Variants in CCL26 observed in about 807,000 individuals in gnomAD.
CCL26 encodes C-C motif chemokine ligand 26, also known as C-C motif chemokine 26.
CCL26 carries 10 observed loss-of-function variants against 10.7 expected under a neutral mutation model. The ratio of observed to expected loss-of-function variants is 0.93; its 90% CI spans 0.57 to 1.58. The LOEUF (loss-of-function observed/expected upper bound fraction) is 1.58, where lower values mean the gene tolerates loss of function less well. CCL26 is among the 40% of genes most tolerant of loss of function. The pLI is 0.00. For synonymous variants in CCL26, 43 were observed against 41.4 expected (o/e 1.04, Z -0.15); for missense variants, 116 against 111.0 (o/e 1.05, Z -0.20).
chr7:75,771,155 C>T (rs566656591), intron 2 of CCL26, among the ~76,000 whole-genome samples: 1 of 152,140 alleles, frequency 6.6e-6, no homozygotes, highest in East Asian at 1.9e-4. Context: ...TGCGATCATA[C>T]CTCACTGCAG....
chr7:75,780,193 G>T (rs1420997527), intron 1 of CCL26, among the ~76,000 whole-genome samples: 8 of 150,434 alleles, frequency 5.3e-5, no homozygotes, highest in Non-Finnish European at 1.2e-4. Context: ...CTTTCCTGGG[G>T]GGCAAGCACC....
In CCL26 at chr7:75,777,721, G is replaced by GAAAAAAAAAAA. The variant is rs60039632; in HGVS notation, c.-78-5478_-78-5468dup. ...CCCAACAGAGTGAGATCCTGTCTCAGAAAAAAAAAAAAAAAAAAAAAGCAG... is the reference window on the plus strand; with the variant it reads ...CCCAACAGAGTGAGATCCTGTCTCAGAAAAAAAAAAAAAAAAAAAAAAAAAAAAAAAAGCAG... On this transcript the variant is annotated intron_variant, in intron 1 of 3. Coordinates refer to the CCL26 transcript ENST00000394905. 4.1e-3 allele frequency among the ~76,000 whole-genome samples: 248 copies of GAAAAAAAAAAA among 60,532 alleles called. 68 individuals are homozygous for GAAAAAAAAAAA. Among genetic ancestry groups the GAAAAAAAAAAA allele is most frequent in the Middle Eastern group, 0.02 (1 of 50 alleles). 39.7% of individuals were successfully genotyped at this position (60,532 alleles called of 152,430 possible). A position where few individuals can be genotyped will look rare whatever the true frequency, so the allele number is the denominator to read the frequency against.
upstream of CCL26, among the ~76,000 whole-genome samples, chr7:75,774,291 A>G (rs1374746310): frequency 3.9e-5 from 6 of 152,214 alleles, no homozygotes; most frequent in African/African-American, 1.4e-4. Context: ...CTGGGATTAC[A>G]GGCATGCGCC....
chr7:75,779,081 C>CTTTT (rs1554529079), intron 1 of CCL26, among the ~76,000 whole-genome samples: 1 of 152,162 alleles, frequency 6.6e-6, no homozygotes, highest in Non-Finnish European at 1.5e-5. Context: ...TATCCTGGCT[C>CTTTT]AAAAGCTCCC....
chr7:75,785,674 C>A (rs534561630), intron 1 of CCL26, among the ~76,000 whole-genome samples: 1 of 152,294 alleles, frequency 6.6e-6, no homozygotes, highest in South Asian at 2.1e-4. Flanking sequence ...GCCATCCTAA[C>A]AAAACCTTTA....
At chr7:75,781,392 C>A (rs1803059761) in intron 1 of CCL26, among the ~76,000 whole-genome samples, 1 of 152,198 alleles carries the variant, frequency 6.6e-6, no homozygotes, top group Admixed American at 6.5e-5. Flanking sequence ...GCCAGGGGTT[C>A]CTCCAGAACC....
intron 1 of CCL26, among the ~76,000 whole-genome samples, chr7:75,777,246 A>G (rs1554528857): frequency 6.6e-6 from 1 of 152,140 alleles, no homozygotes. Context: ...AAACAAAAAC[A>G]AAAACGTGTT....
At chr7:75,780,019 G>T (rs545919683) in intron 1 of CCL26, among the ~76,000 whole-genome samples, 2 of 147,394 alleles carry the variant, frequency 1.4e-5, no homozygotes, top group South Asian at 4.4e-4. Flanking sequence ...TTTCCTGGGG[G>T]GCAAGCACCC....
chr7:75,781,739 G>A (rs369295267), intron 1 of CCL26, among the ~76,000 whole-genome samples: 71 of 149,974 alleles, frequency 4.7e-4, no homozygotes, highest in African/African-American at 1.6e-3. Flanking sequence ...TGTGACCCCC[G>A]CCCCTGCCCG....
chr7:75,777,857 T>C (rs535749748), intron 1 of CCL26, among the ~76,000 whole-genome samples: 1 of 151,232 alleles, frequency 6.6e-6, no homozygotes, highest in Non-Finnish European at 1.5e-5. Flanking sequence ...TCTTACTCTG[T>C]TGCCCAGGCT....
upstream of CCL26, among the ~76,000 whole-genome samples, chr7:75,773,810 G>A (rs1802880554): frequency 6.6e-6 from 1 of 151,926 alleles, no homozygotes; most frequent in Non-Finnish European, 1.5e-5. Flanking sequence ...TTGAACCTGG[G>A]GGGCAGAGGT....
exon 1 of CCL26, chr7:75,789,758 A>T (rs1451141305): frequency 1.3e-5 from 2 of 151,884 alleles, no homozygotes; most frequent in Non-Finnish European, 2.9e-5. Flanking sequence ...CTCCTGGCTC[A>T]TCCTCCAGAG....
chr7:75,786,536 A>G (rs1803187200), intron 1 of CCL26, among the ~76,000 whole-genome samples: 1 of 152,132 alleles, frequency 6.6e-6, no homozygotes, highest in South Asian at 2.1e-4. Context: ...AGGGTCCTCC[A>G]TCATTAATGC....
chr7:75,787,889 C>T (rs1803236605), intron 1 of CCL26, among the ~76,000 whole-genome samples: 1 of 151,958 alleles, frequency 6.6e-6, no homozygotes, highest in Non-Finnish European at 1.5e-5. Flanking sequence ...CGTTTAGTTT[C>T]TCAATTCATA....
At chr7:75,777,827 T>C (rs115314070) in intron 1 of CCL26, among the ~76,000 whole-genome samples, 2,333 of 150,972 alleles carry the variant, frequency 0.015, 52 homozygotes, top group African/African-American at 0.047. Context: ...ACTAATCTTT[T>C]TTTTTTTTTT....
chr7:75,769,657 G>C lies in CCL26; in HGVS notation c.*36C>G, dbSNP rs117832963. On this transcript the variant is annotated 3_prime_UTR_variant, in exon 3 of 3. Transcript: ENST00000005180. ...CCCAGAGGGCTGCAGAGCCAAGAGCGGGGTCCAAGCGTCCTCGGATGAAAA... is the reference window on the plus strand; with the variant it reads ...CCCAGAGGGCTGCAGAGCCAAGAGCCGGGTCCAAGCGTCCTCGGATGAAAA... The C allele has an allele frequency of 3.6e-6, 5 of 1,373,838 alleles. No homozygotes were observed. The highest frequency in any genetic ancestry group is 1.2e-5 in the South Asian group (1 of 86,130). 85.1% of individuals were successfully genotyped at this position (1,373,838 alleles called of 1,614,324 possible).
At chr7:75,783,006 A>C (rs1585014456) in intron 1 of CCL26, among the ~76,000 whole-genome samples, 1 of 149,008 alleles carries the variant, frequency 6.7e-6, no homozygotes, top group Non-Finnish European at 1.5e-5. Context: ...TCCTTCTATC[A>C]CCTCCCCTCC....
rs1031688433 is a variant in CCL26, at chr7:75,785,525, A to T, written c.-79+4192T>A. 1.6e-4 allele frequency among the ~76,000 whole-genome samples: 25 copies of T among 152,116 alleles called. 1 individual carries two copies. In the South Asian group the frequency reaches 2.9e-3, roughly 18 times the overall value. On this transcript the variant is annotated intron_variant, in intron 1 of 3. Coordinates refer to the CCL26 transcript ENST00000394905. ...CTCCATCCATTACCTACCTCGGCAT[A>T]ATTCTTCATAAAAACACACGTGCTC...
chr7:75,772,406 C>T, upstream of CCL26: 1 of 543,948 alleles, frequency 1.8e-6, no homozygotes, highest in South Asian at 2.3e-5. Context: ...CCTGTGATCA[C>T]AGCACTCTGG....
Sources: gnomAD v4.1 joint callset for allele counts (sites outside exome capture counted in the v4.1 genomes callset) on GRCh38, gnomAD v4.1.1 for gene constraint, MANE v1.5 for transcripts, NCBI Gene and HGNC (gene_info 2026-07-23, HGNC 2026-07-21) for gene names.